Variants in STAMBPL1 observed in about 807,000 individuals in gnomAD.
The protein encoded by STAMBPL1 is AMSH-like protease.
Under a neutral mutation model 52.9 loss-of-function variants are expected in STAMBPL1, and 44 were observed. That is an observed-to-expected ratio of 0.83 (90% CI 0.65 to 1.07). The LOEUF is 1.07. Ranked by LOEUF, STAMBPL1 falls within the 50% of genes least tolerant of loss-of-function variation. STAMBPL1 has a pLI of 0.00. For missense variants in STAMBPL1, 511 were observed against 520.8 expected (o/e 0.98, Z 0.18); for synonymous variants, 164 against 177.3 (o/e 0.92, Z 0.60).
intron 8 of STAMBPL1, among the ~76,000 whole-genome samples, chr10:88,917,803 T>C (rs1424114854): frequency 1.5e-4 from 23 of 152,014 alleles, no homozygotes; most frequent in Non-Finnish European, 4.4e-5. Context: ...AGAACAGAAA[T>C]TTATTTTGTC....
intron 8 of STAMBPL1, among the ~76,000 whole-genome samples, chr10:88,921,078 G>A (rs905839443): frequency 6.6e-6 from 1 of 152,056 alleles, no homozygotes; most frequent in African/African-American, 2.4e-5. Context: ...AACACTTCTA[G>A]GAGCCTCTTC....
chr10:88,886,317 G>A (rs1844531266), intron 1 of STAMBPL1, among the ~76,000 whole-genome samples: 1 of 152,160 alleles, frequency 6.6e-6, no homozygotes, highest in Non-Finnish European at 1.5e-5. Context: ...TACCCAGCAT[G>A]CAAGTATAAA....
chr10:88,914,692 A>ATATATATG (rs1845325529), intron 7 of STAMBPL1, 34 bp downstream of exon 7: 1 of 963,876 alleles, frequency 1.0e-6, no homozygotes, highest in African/African-American at 1.7e-5. Flanking sequence ...ATATATATAT[A>ATATATATG]TATCTGCATA....
intron 1 of STAMBPL1, among the ~76,000 whole-genome samples, chr10:88,886,587 G>C (rs978507104): frequency 1.3e-4 from 20 of 152,162 alleles, no homozygotes; most frequent in African/African-American, 4.8e-4. Context: ...ACCAGATTCA[G>C]CAAAAGCTCA....
Position 88,916,758 on chromosome 10 carries a change from G to A in STAMBPL1, c.982G>A (p.Val328Ile), listed in dbSNP as rs769872933. The change falls in exon 8 of 11, where the codon GTA (valine) becomes ATA (isoleucine). Residue 328 changes from valine (V) to isoleucine (I), a missense_variant. By Grantham distance (29) the Val-to-Ile change is conservative (BLOSUM62 3). Around this residue, in one of 3 missense-constraint regions of STAMBPL1, gnomAD observed 137 missense variants for 139.9 expected, o/e 0.98. Coordinates refer to ENST00000371926, the MANE Select transcript of STAMBPL1 (RefSeq NM_020799.4). ...ACCAGACTATTGTGACATGGAGAAT[G>A]TAGAGGAATTATTCAATGTTCAGGA... is the stretch of plus-strand genomic sequence containing the variant. Reference protein sequence around the residue: ...AGPDYCDMENVEELFNVQDQH... With the variant: ...AGPDYCDMENIEELFNVQDQH... The A allele has an allele frequency of 1.2e-6, 2 of 1,610,162 alleles. No homozygotes were observed. Among genetic ancestry groups the A allele is most frequent in the Non-Finnish European group, 1.7e-6 (2 of 1,178,318 alleles).
chr10:88,890,175 G>A (rs1402604783), intron 1 of STAMBPL1, among the ~76,000 whole-genome samples: 2 of 152,242 alleles, frequency 1.3e-5, no homozygotes, highest in Non-Finnish European at 2.9e-5. Context: ...AAAGAAGCCA[G>A]TGGAGGAGGT....
intron 5 of STAMBPL1, among the ~76,000 whole-genome samples, chr10:88,911,338 C>T (rs1845219436): frequency 6.6e-6 from 1 of 152,146 alleles, no homozygotes; most frequent in South Asian, 2.1e-4. Flanking sequence ...AGATGAACAG[C>T]CAGTAGGAGG....
chr10:88,900,092 A>G (rs78066896), intron 1 of STAMBPL1, among the ~76,000 whole-genome samples: 2 of 152,170 alleles, frequency 1.3e-5, no homozygotes, highest in East Asian at 1.9e-4. Context: ...CTTAGAGCTC[A>G]ATGTTTACCC....
intron 2 of STAMBPL1, 106 bp from the exon 3 acceptor site, chr10:88,905,337 G>A (rs890079208): frequency 2.4e-6 from 2 of 844,448 alleles, no homozygotes; most frequent in Non-Finnish European, 3.8e-6. Flanking sequence ...ATTTCCTTAG[G>A]TAATGGTGTT....
intron 8 of STAMBPL1, 38 bp downstream of exon 8, chr10:88,916,855 TG>T: frequency 6.8e-7 from 1 of 1,464,796 alleles, no homozygotes; most frequent in Non-Finnish European, 9.1e-7. Context: ...TTTTTGTGTG[TG>T]TGGCATGCTA....
At chr10:88,899,202 CT>C (rs1262846644) in intron 1 of STAMBPL1, among the ~76,000 whole-genome samples, 2 of 152,104 alleles carry the variant, frequency 1.3e-5, no homozygotes, top group African/African-American at 2.4e-5. Context: ...AGAGTCAGAC[CT>C]TTGCCTGCAA....
chr10:88,915,164 A>G (rs1216425773), intron 7 of STAMBPL1, among the ~76,000 whole-genome samples: 2 of 152,206 alleles, frequency 1.3e-5, no homozygotes, highest in Non-Finnish European at 2.9e-5. Context: ...ATTATGGAAG[A>G]TGTCATCATA....
rs566839208 is a variant in STAMBPL1 at position 88,916,939 on chromosome 10, G to A, written c.1041+122G>A. On this transcript the variant is annotated intron_variant, in intron 8 of 10. Transcript: ENST00000371926. ...TTTTAATTTTTTCAAATGTAATAAAGGTTGTCATTTAAGTAGTGGTTCTCA... is the reference window on the plus strand; with the variant it reads ...TTTTAATTTTTTCAAATGTAATAAAAGTTGTCATTTAAGTAGTGGTTCTCA... The A allele has an allele frequency of 5.5e-6, 6 of 1,100,330 alleles. No homozygotes were observed. In the South Asian group the frequency reaches 1.4e-4, roughly 25 times the overall value. 68.2% of individuals were successfully genotyped at this position (1,100,330 alleles called of 1,614,324 possible). A position where few individuals can be genotyped will look rare whatever the true frequency, so the allele number is the denominator to read the frequency against.
chr10:88,916,400 C>G (rs1845370250), intron 7 of STAMBPL1, among the ~76,000 whole-genome samples: 1 of 151,414 alleles, frequency 6.6e-6, no homozygotes, highest in Non-Finnish European at 1.5e-5. Flanking sequence ...AATGCAAGTT[C>G]CTATTTCTGT....
intron 6 of STAMBPL1, among the ~76,000 whole-genome samples, chr10:88,913,977 C>T (rs1341755076): frequency 6.6e-6 from 1 of 152,184 alleles, no homozygotes; most frequent in Non-Finnish European, 1.5e-5. Flanking sequence ...ACTGCCAGAT[C>T]AGTGCTGGCA....
In STAMBPL1 at chr10:88,905,618, G is replaced by A. The variant is rs1197960705; in HGVS notation, c.206G>A (p.Gly69Glu). ...ERMASVYLEE[G>E]NLENAFVLYN... The stretch of plus-strand genomic sequence containing the variant: ...ATGGCGTCTGTGTATTTGGAAGAAG[G>A]AAATTTGGAAAATGCCTTTGTTCTT... The change falls in exon 3 of 11, where the codon GGA (glycine) becomes GAA (glutamate). Residue 69 changes from glycine to glutamate, a missense_variant. Physicochemically the swap from Gly to Glu is moderately conservative, Grantham distance 98. Coordinates refer to ENST00000371926, the MANE Select transcript of STAMBPL1 (RefSeq NM_020799.4). 5 of 1,613,948 alleles carry A rather than the reference G, an allele frequency of 3.1e-6. No homozygotes were observed. The highest frequency in any genetic ancestry group is 3.4e-6 in the Non-Finnish European group (4 of 1,179,972).
intron 9 of STAMBPL1, 54 bp from the exon 10 acceptor site, chr10:88,922,283 G>A: frequency 6.5e-7 from 1 of 1,542,142 alleles, no homozygotes; most frequent in Non-Finnish European, 8.9e-7. Context: ...TAAAGCATCT[G>A]GAATGCCCAA....
At chr10:88,909,017 G>A (rs1016741107) in intron 4 of STAMBPL1, among the ~76,000 whole-genome samples, 5 of 152,204 alleles carry the variant, frequency 3.3e-5, no homozygotes, top group Non-Finnish European at 7.3e-5. Context: ...ATAGTGTGAG[G>A]AAGGAATTAT....
chr10:88,922,190 T>C (rs1162195835), intron 9 of STAMBPL1, 147 bp from the exon 10 acceptor site: 1 of 777,208 alleles, frequency 1.3e-6, no homozygotes, highest in Non-Finnish European at 2.0e-6. Flanking sequence ...CAGTCATTGG[T>C]TTAAAAAAAA....
Sources: gnomAD v4.1 joint callset for allele counts (sites outside exome capture counted in the v4.1 genomes callset) on GRCh38, gnomAD v4.1.1 for gene constraint, gnomAD v4.1.1 regional missense constraint, MANE v1.5 for transcripts, NCBI Gene and HGNC (gene_info 2026-07-23, HGNC 2026-07-21) for gene names.